The following SETX variants were observed in gnomAD, a reference collection of about 807,000 sequenced individuals.
The protein encoded by SETX is senataxin, also known as helicase senataxin.
A neutral mutation model predicts 227.2 loss-of-function variants in SETX; 90 were observed. The observed-to-expected ratio is 0.40, with a 90% CI of 0.33 to 0.47. The LOEUF is 0.47. SETX is among the 20% of genes least tolerant of loss of function. The pLI, the probability that SETX is intolerant of heterozygous loss-of-function variation, is 0.91. For missense variants in SETX, 3,052 were observed against 3,181.5 expected, an observed-to-expected ratio of 0.96 and a Z score of 0.98; for synonymous variants, 1,210 against 1,113.2, an observed-to-expected ratio of 1.09 and a Z score of -1.73.
chr9:132,298,429 T>C, intron 12 of SETX, 117 bp from the exon 13 acceptor site: 1 of 894,436 alleles, frequency 1.1e-6, no homozygotes. Context: ...TTTACATAAT[T>C]TACCCAGTAA....
Position 132,288,340 on chromosome 9 carries a change from G to C in SETX, c.6220C>G (p.Pro2074Ala). The C allele has an allele frequency of 6.2e-7, 1 of 1,612,012 alleles. No individual in the cohort carries two copies. The highest frequency in any genetic ancestry group is 1.1e-5 in the South Asian group (1 of 90,914). ...QVNHRMKKEL[P>A]SHVQAMHKRK... ...TTATGCATCGCCTGAACATGAGAAG[G>C]TAACTCTTTTTCTAATAAAAATAAC... Residue 2074 changes from proline (P) to alanine (A), a missense_variant, in exon 17 of 26, where the codon CCT becomes GCT. Coordinates refer to ENST00000224140, the MANE Select transcript of SETX (RefSeq NM_015046.7).
chr9:132,303,441 G>GA lies in SETX; in HGVS notation c.5375-2639dup, dbSNP rs1014050235. Among the ~76,000 whole-genome samples, 872 of 130,042 alleles carry GA rather than the reference G, an allele frequency of 6.7e-3. 3 individuals are homozygous for GA. Among genetic ancestry groups the GA allele is most frequent in the South Asian group, 9.7e-3 (40 of 4,138 alleles). The allele number at this position is 130,042 out of a possible 152,430, so 85.3% of individuals were successfully genotyped here. ...CACAAAAATTAAACCATAAAATTTA[G>GA]AAAAAAAAAAATAGGAGAAAACTGT... On this transcript the variant is annotated intron_variant, in intron 11 of 25. Coordinates refer to ENST00000224140, the MANE Select transcript of SETX (RefSeq NM_015046.7).
At chr9:132,334,854 A>G (rs1469909284) in intron 6 of SETX, 127 bp from the exon 7 acceptor site, 13 of 985,724 alleles carry the variant, frequency 1.3e-5, no homozygotes, top group Non-Finnish European at 1.9e-5. Context: ...CAAACATTTA[A>G]GTCTCAGATA....
intron 11 of SETX, among the ~76,000 whole-genome samples, chr9:132,304,789 G>A (rs1157227093): frequency 6.6e-6 from 1 of 151,828 alleles, no homozygotes; most frequent in Admixed American, 6.6e-5. Flanking sequence ...CCTGAGGTCA[G>A]GAGTTCAAGA....
chr9:132,342,830 A>C (rs1428404815), intron 4 of SETX, 31 bp from the exon 5 acceptor site: 1 of 1,453,218 alleles, frequency 6.9e-7, no homozygotes, highest in Non-Finnish European at 9.6e-7. Flanking sequence ...AAAATACATA[A>C]ATCTTATCAC....
chr9:132,325,479 C>T (rs192363781), intron 10 of SETX, among the ~76,000 whole-genome samples: 15 of 152,340 alleles, frequency 9.8e-5, no homozygotes, highest in African/African-American at 3.6e-4. Flanking sequence ...AAAACTACAG[C>T]AGAGGTCTCT....
At chr9:132,299,000 A>G (rs1215124675) in intron 12 of SETX, among the ~76,000 whole-genome samples, 1 of 152,192 alleles carries the variant, frequency 6.6e-6, no homozygotes, top group African/African-American at 2.4e-5. Flanking sequence ...TACAGAAACA[A>G]AAAGACCACT....
At chr9:132,269,032 CT>C (rs1272389532) in intron 25 of SETX, among the ~76,000 whole-genome samples, 2 of 152,240 alleles carry the variant, frequency 1.3e-5, no homozygotes, top group African/African-American at 2.4e-5. Context: ...GTTATTACCC[CT>C]AATAAGACAA....
rs766799023 is a variant in SETX, at chr9:132,328,570, G to A, written c.3028C>T (p.Arg1010Cys). 6.8e-6 allele frequency: 11 copies of A among 1,613,788 alleles called. No individual in the cohort carries two copies. The highest frequency in any genetic ancestry group is 4.0e-5 in the African/African-American group (3 of 74,884). ...ANQNNVGDTSRGQVIIISDSD... is the reference protein window; with the variant it reads ...ANQNNVGDTSCGQVIIISDSD... ...TCTGAAATAATAATAACCTGTCCAC[G>A]GGAGGTATCTCCAACATTATTTTGG... Residue 1010 changes from arginine (R) to cysteine (C), a missense_variant, in exon 10 of 26, where the codon CGT becomes TGT. By Grantham distance (180) the Arg-to-Cys change is radical. This residue lies in a region of SETX where 1,483 missense variants were observed against 1,312.0 expected (regional missense o/e 1.13). Transcript: ENST00000224140.
chr9:132,276,048 T>C (rs1843142417), intron 22 of SETX, among the ~76,000 whole-genome samples: 1 of 152,070 alleles, frequency 6.6e-6, no homozygotes, highest in Non-Finnish European at 1.5e-5. Flanking sequence ...TGAAAACACA[T>C]GCTCCCTCAT....
intron 12 of SETX, 35 bp downstream of exon 12, chr9:132,300,595 T>C: frequency 6.2e-7 from 1 of 1,602,278 alleles, no homozygotes; most frequent in South Asian, 1.1e-5. Context: ...AGACTGTATC[T>C]GACATTTCCT....
At position 132,295,001 on chromosome 9, in the gene SETX, A is replaced by C. The variant is rs77345605; in HGVS notation, c.6106+871T>G. Among the ~76,000 whole-genome samples, 1,215 of 152,370 alleles carry C rather than the reference A, an allele frequency of 8.0e-3. 18 individuals carry two copies. The highest frequency in any genetic ancestry group is 0.027 in the African/African-American group (1,134 of 41,590). ...TAAAAGGCACTGTTAGGTATCCTTA[A>C]GGAAAACTAAATTTGGTAGGGAAGA... On this transcript the variant is annotated intron_variant, in intron 15 of 25. Transcript: ENST00000224140.
At chr9:132,337,999 G>T (rs984017131) in intron 5 of SETX, among the ~76,000 whole-genome samples, 1 of 151,664 alleles carries the variant, frequency 6.6e-6, no homozygotes, top group Admixed American at 6.6e-5. Context: ...GAGAAGGACA[G>T]TAACATCACT....
At chr9:132,325,727 G>A (rs1313115949) in intron 10 of SETX, among the ~76,000 whole-genome samples, 1 of 151,998 alleles carries the variant, frequency 6.6e-6, no homozygotes, top group Non-Finnish European at 1.5e-5. Context: ...AGAATCAGAA[G>A]TTCAAGACCA....
chr9:132,309,798 A>G (rs1677424042), intron 11 of SETX, among the ~76,000 whole-genome samples: 1 of 152,190 alleles, frequency 6.6e-6, no homozygotes, highest in Non-Finnish European at 1.5e-5. Flanking sequence ...CTAGAAGGTA[A>G]GAGAGATCCT....
chr9:132,327,951 G>A lies in SETX; in HGVS notation c.3647C>T (p.Thr1216Ile), dbSNP rs1232630407. 1 of 1,614,038 alleles carries A rather than the reference G, an allele frequency of 6.2e-7. No individual in the cohort carries two copies. Among genetic ancestry groups the A allele is most frequent in the Non-Finnish European group, 8.5e-7 (1 of 1,180,008 alleles). Reference protein sequence around the residue: ...STPNSRIQRATTVSQKKSSKL... With the variant: ...STPNSRIQRAITVSQKKSSKL... ...TGAAGACTTCTTTTGTGAAACCGTA[G>A]TGGCTCTCTGAATACGTGAATTGGG... The change falls in exon 10 of 26, where the codon ACT becomes ATT. Residue 1216 changes from threonine to isoleucine, a missense_variant. Physicochemically the swap from Thr to Ile is moderately conservative, Grantham distance 89 (BLOSUM62 -1). This residue lies in a region of SETX where 1,483 missense variants were observed against 1,312.0 expected (regional missense o/e 1.13). Transcript: ENST00000224140.
upstream of SETX, among the ~76,000 whole-genome samples, chr9:132,355,254 C>T (rs1171192713): frequency 6.6e-6 from 1 of 152,106 alleles, no homozygotes; most frequent in Non-Finnish European, 1.5e-5. Context: ...TCGGCCCCGC[C>T]CGGGGCTTCC....
rs1167504934 is a variant in SETX, at chr9:132,262,085, C to T, written c.*2154G>A. 1 of 152,282 alleles carries T rather than the reference C, an allele frequency of 6.6e-6. No individual in the cohort carries two copies. Among genetic ancestry groups the T allele is most frequent in the Non-Finnish European group, 1.5e-5 (1 of 68,052 alleles). The allele number at this position is 152,282 out of a possible 1,614,324, so 9.4% of individuals were successfully genotyped here. On this transcript the variant is annotated 3_prime_UTR_variant, in exon 26 of 26. Transcript: ENST00000224140. Reference sequence around the variant, plus strand: ...GTGAAAGGCCGTCACAGGACACAGGCTCGTCTGTTAGAAAGGATGATCTAG... The same window carrying T: ...GTGAAAGGCCGTCACAGGACACAGGTTCGTCTGTTAGAAAGGATGATCTAG...
chr9:132,289,280 A>G (rs546604447), intron 15 of SETX, among the ~76,000 whole-genome samples: 3 of 152,352 alleles, frequency 2.0e-5, no homozygotes, highest in Non-Finnish European at 2.9e-5. Context: ...CTGCTCTCTG[A>G]TAAGTTAAAA....
Sources: allele counts gnomAD v4.1 joint callset (sites outside exome capture counted in the v4.1 genomes callset), GRCh38; gene constraint gnomAD v4.1.1; regional missense constraint gnomAD v4.1.1; transcripts MANE v1.5; gene names NCBI Gene and HGNC (gene_info 2026-07-23, HGNC 2026-07-21).